TRERF1: variants seen among roughly 807,000 people sequenced by gnomAD.
The protein encoded by TRERF1 is transcriptional-regulating factor 1.
In TRERF1, 27 loss-of-function variants were observed where a neutral mutation model predicts 122.9. That is an observed-to-expected ratio of 0.22 (90% CI 0.16 to 0.30). The LOEUF is 0.30. TRERF1 is among the 10% of genes least tolerant of loss of function. The probability of loss-of-function intolerance (pLI) is 1.00; values close to 1 mark genes in which losing one functional copy is unlikely to be tolerated. For missense variants in TRERF1, 1,248 were observed against 1,560.3 expected, an observed-to-expected ratio of 0.80 and a Z score of 3.37; for synonymous variants, 636 against 641.7, an observed-to-expected ratio of 0.99 and a Z score of 0.13.
chr6:42,268,421 G>C lies in TRERF1; in HGVS notation c.1170C>G (p.Leu390=). The change falls in exon 5 of 18, where the codon CTC becomes CTG. Residue 390 remains leucine, a synonymous_variant. Coordinates refer to ENST00000372922, the Ensembl canonical transcript of TRERF1. The surrounding 1 kb of genome is among the most constrained non-coding windows in gnomAD (Gnocchi z 4.4). ...GCTGGGACAGGTGGCTCTGCTGGTA[G>C]AGGGGGTGGCTGTAGGGCTGCTGGG... 1 of 1,562,542 alleles carries C rather than the reference G, an allele frequency of 6.4e-7. No individual in the cohort carries two copies. Among genetic ancestry groups the C allele is most frequent in the Non-Finnish European group, 8.7e-7 (1 of 1,154,374 alleles).
chr6:42,344,018 G>A lies in TRERF1; in HGVS notation c.-371+18979C>T, dbSNP rs144058618. Among the ~76,000 whole-genome samples, 1,011 of 152,334 alleles carry A rather than the reference G, an allele frequency of 6.6e-3. 9 individuals carry two copies. Among genetic ancestry groups the A allele is most frequent in the African/African-American group, 0.023 (937 of 41,568 alleles). ...CCCAACCATCCCTTGGCCCCAGGCC[G>A]ACAGAGCAGGCAGGAAGGCACTGCA... On this transcript the variant is annotated intron_variant, in intron 3 of 17. Coordinates refer to ENST00000372922, the Ensembl canonical transcript of TRERF1.
At chr6:42,433,966 T>C (rs962078813) in intron 2 of TRERF1, among the ~76,000 whole-genome samples, 1 of 152,192 alleles carries the variant, frequency 6.6e-6, no homozygotes, top group African/African-American at 2.4e-5. Flanking sequence ...GAGGCTGCAG[T>C]GAGCCAAGTT....
intron 2 of TRERF1, among the ~76,000 whole-genome samples, chr6:42,438,598 A>G (rs1470422870): frequency 6.7e-6 from 1 of 149,754 alleles, no homozygotes; most frequent in Admixed American, 6.7e-5. Context: ...CAACAGAGTG[A>G]GACTCTGTCT....
intron 3 of TRERF1, among the ~76,000 whole-genome samples, chr6:42,342,873 T>C (rs773434151): frequency 1.3e-4 from 20 of 152,220 alleles, no homozygotes; most frequent in Non-Finnish European, 2.5e-4. Flanking sequence ...GTCTTCTCTT[T>C]TCTAGGCCCA....
intron 2 of TRERF1, among the ~76,000 whole-genome samples, chr6:42,424,577 C>A (rs1438121993): frequency 6.6e-6 from 1 of 152,086 alleles, no homozygotes; most frequent in Non-Finnish European, 1.5e-5. Context: ...GATAAGGGAT[C>A]CTCAATCTGT....
chr6:42,449,388 C>T (rs1788073896), intron 2 of TRERF1, among the ~76,000 whole-genome samples: 1 of 148,520 alleles, frequency 6.7e-6, no homozygotes, highest in African/African-American at 2.5e-5. Flanking sequence ...ACAATCACCA[C>T]AATATTTTAA....
intron 2 of TRERF1, among the ~76,000 whole-genome samples, chr6:42,423,136 GC>G (rs921797367): frequency 6.6e-6 from 1 of 152,238 alleles, no homozygotes; most frequent in African/African-American, 2.4e-5. Flanking sequence ...ACCGTGCCCA[GC>G]CATGGGCATC....
chr6:42,364,952 G>A (rs1772454226), intron 2 of TRERF1, among the ~76,000 whole-genome samples: 1 of 152,164 alleles, frequency 6.6e-6, no homozygotes, highest in African/African-American at 2.4e-5. Context: ...CTCTGGCCAG[G>A]AGGAAGGATG....
At chr6:42,319,942 C>A (rs1037033207) in intron 3 of TRERF1, among the ~76,000 whole-genome samples, 1 of 151,460 alleles carries the variant, frequency 6.6e-6, no homozygotes, top group Non-Finnish European at 1.5e-5. Flanking sequence ...CACTTTGTCT[C>A]CCAGGCTGGA....
At chr6:42,280,298 G>A (rs970863233) in intron 4 of TRERF1, among the ~76,000 whole-genome samples, 3 of 152,224 alleles carry the variant, frequency 2.0e-5, no homozygotes, top group African/African-American at 7.2e-5. Flanking sequence ...CCTTCCAGCA[G>A]GACTTCCTGA....
At chr6:42,231,578 C>T (rs1473133661) in intron 17 of TRERF1, among the ~76,000 whole-genome samples, 1 of 152,142 alleles carries the variant, frequency 6.6e-6, no homozygotes, top group Non-Finnish European at 1.5e-5. Flanking sequence ...GGTAATACTC[C>T]TTTTCATGCT....
At chr6:42,311,912 G>A (rs1463995557) in intron 3 of TRERF1, among the ~76,000 whole-genome samples, 1 of 152,076 alleles carries the variant, frequency 6.6e-6, no homozygotes, top group African/African-American at 2.4e-5. Flanking sequence ...AAGAGAGGGT[G>A]CTGGCTTATT....
chr6:42,326,764 A>G (rs1368400256), intron 3 of TRERF1, among the ~76,000 whole-genome samples: 3 of 152,244 alleles, frequency 2.0e-5, no homozygotes, highest in African/African-American at 7.2e-5. Context: ...ATGCTCTTGT[A>G]TTAGGTTCCA....
chr6:42,332,398 C>A (rs918236642), intron 3 of TRERF1, among the ~76,000 whole-genome samples: 1 of 152,186 alleles, frequency 6.6e-6, no homozygotes, highest in Non-Finnish European at 1.5e-5. Flanking sequence ...AGAAAACAGA[C>A]TAGCTATTAC....
intron 2 of TRERF1, among the ~76,000 whole-genome samples, chr6:42,374,219 G>T (rs1044126945): frequency 6.6e-6 from 1 of 151,918 alleles, no homozygotes; most frequent in Non-Finnish European, 1.5e-5. Context: ...CCAGGCAGCC[G>T]GGGGCGGGTG....
Position 42,268,930 on chromosome 6 carries a change from G to C in TRERF1, c.661C>G (p.Leu221Val), listed in dbSNP as rs867968038. 1 of 1,612,708 alleles carries C rather than the reference G, an allele frequency of 6.2e-7. No homozygotes were observed. The highest frequency in any genetic ancestry group is 8.5e-7 in the Non-Finnish European group (1 of 1,178,918). The change falls in exon 5 of 18, where the codon CTT becomes GTT. Residue 221 changes from leucine to valine, a missense_variant. This residue lies in a region of TRERF1 where 946 missense variants were observed against 1,073.0 expected (regional missense o/e 0.88). Coordinates refer to ENST00000372922, the Ensembl canonical transcript of TRERF1. The surrounding 1 kb of genome is among the most constrained non-coding windows in gnomAD (Gnocchi z 4.4). The stretch of plus-strand genomic sequence containing the variant: ...TGGGTAGGGTGCTGCCCGACCTGAA[G>C]AGCTGGTTTGGACAGCCCACCAGTG...
At chr6:42,379,287 C>T (rs756491225) in intron 2 of TRERF1, among the ~76,000 whole-genome samples, 1 of 152,030 alleles carries the variant, frequency 6.6e-6, no homozygotes, top group Non-Finnish European at 1.5e-5. Context: ...ATGTTGCCAG[C>T]CTACCATGCC....
chr6:42,240,980 C>G (rs973376588), intron 15 of TRERF1, among the ~76,000 whole-genome samples: 1 of 152,122 alleles, frequency 6.6e-6, no homozygotes, highest in Non-Finnish European at 1.5e-5. Flanking sequence ...GCAACCTCCA[C>G]CTCCCGGGTT....
chr6:42,405,423 T>C (rs999240127), intron 2 of TRERF1, among the ~76,000 whole-genome samples: 2 of 152,056 alleles, frequency 1.3e-5, no homozygotes, highest in Non-Finnish European at 2.9e-5. Context: ...AGAAGAGTTA[T>C]TGGGAGGATT....
Sources: allele counts gnomAD v4.1 joint callset (sites outside exome capture counted in the v4.1 genomes callset), GRCh38; gene constraint gnomAD v4.1.1; regional missense constraint gnomAD v4.1.1; non-coding constraint Gnocchi (gnomAD v3.1); transcripts MANE v1.5; gene names NCBI Gene and HGNC (gene_info 2026-07-23, HGNC 2026-07-21).